Variants in TENM1 observed in about 807,000 individuals in gnomAD.
The protein encoded by TENM1 is teneurin transmembrane protein 1, also known as teneurin-1.
Under a neutral mutation model 174.8 loss-of-function variants are expected in TENM1, and 35 were observed. That is an observed-to-expected ratio of 0.20 (90% CI 0.15 to 0.27). The LOEUF (loss-of-function observed/expected upper bound fraction) is 0.27. Among genes scored for constraint, TENM1 ranks in the 10% least tolerant of loss-of-function variants. The pLI, the probability that TENM1 is intolerant of heterozygous loss-of-function variation, is 1.00. For synonymous variants in TENM1, 781 were observed against 798.7 expected (o/e 0.98, Z 0.37); for missense variants, 1,633 against 2,130.1 (o/e 0.77, Z 4.59).
At chrX:125,035,089 C>T in the TENM1 span, among the ~76,000 whole-genome samples, 1 of 111,617 alleles carries the variant, frequency 9.0e-6, no homozygotes, top group African/African-American at 3.2e-5. Context: ...TTCTATTTTC[C>T]AGATAAATAG....
chrX:124,503,812 G>A, intron 18 of TENM1, 109 bp from the exon 22 acceptor site: 1 of 811,979 alleles, frequency 1.2e-6, no homozygotes, highest in South Asian at 2.7e-5. Flanking sequence ...ATTCTGATTA[G>A]AGTTGAAATT....
At chrX:124,982,270 G>GAAAAAAAAAAAAAAAAAAAAA in the TENM1 span, among the ~76,000 whole-genome samples, 1 of 10,555 alleles carries the variant, frequency 9.5e-5, no homozygotes, top group African/African-American at 8.1e-4. Flanking sequence ...AAGAAAATGT[G>GAAAAAAAAAAAAAAAAAAAAA]AAAAAAAAAA....
intron 23 of TENM1, among the ~76,000 whole-genome samples, chrX:124,439,249 A>ATT (rs2060878976): frequency 9.0e-6 from 1 of 111,636 alleles, no homozygotes; most frequent in African/African-American, 3.3e-5. Context: ...TCTAATATTT[A>ATT]TTTTTTTGTG....
chrX:124,593,163 C>A (rs1192649421), intron 11 of TENM1, among the ~76,000 whole-genome samples: 1 of 111,597 alleles, frequency 9.0e-6, no homozygotes, highest in Non-Finnish European at 1.9e-5. Context: ...AAGTGATAAT[C>A]CAGTGGGCAG....
chrX:125,167,691 G>T, the TENM1 span, among the ~76,000 whole-genome samples: 1 of 111,037 alleles, frequency 9.0e-6, no homozygotes, highest in South Asian at 3.8e-4. Context: ...AAGTGGGCAC[G>T]GTAAATTTTG....
At chrX:124,380,813 C>T (rs2060148571) in exon 32 of TENM1, 3 of 1,211,589 alleles carry the variant, frequency 2.5e-6, no homozygotes, top group African/African-American at 1.7e-5. Context: ...TGTCCCATAC[C>T]GGATGTTGAA....
chrX:124,896,024 G>T (rs755891420), exon 2 of TENM1: 1 of 1,211,546 alleles, frequency 8.3e-7, no homozygotes, highest in Non-Finnish European at 1.1e-6. Flanking sequence ...TGTCAGTCAA[G>T]GATAATGCAG....
intron 1 of TENM1, among the ~76,000 whole-genome samples, chrX:124,935,066 C>T (rs1337036852): frequency 1.8e-5 from 2 of 108,442 alleles, no homozygotes; most frequent in African/African-American, 6.7e-5. Context: ...TTTGGGGCAC[C>T]ATTTAGACAG....
chrX:125,135,042 T>A, the TENM1 span, among the ~76,000 whole-genome samples: 1 of 111,578 alleles, frequency 9.0e-6, no homozygotes, highest in Non-Finnish European at 1.9e-5. Flanking sequence ...ACAAGAATTT[T>A]ATGAACATCC....
the TENM1 span, among the ~76,000 whole-genome samples, chrX:125,107,097 G>A: frequency 1.8e-5 from 2 of 111,801 alleles, no homozygotes; most frequent in East Asian, 2.8e-4. Flanking sequence ...GTTAATCTGA[G>A]GTTAAAGATT....
At chrX:124,897,100 T>C (rs940077070) in intron 1 of TENM1, among the ~76,000 whole-genome samples, 14 of 111,945 alleles carry the variant, frequency 1.3e-4, no homozygotes, top group East Asian at 1.1e-3. Context: ...AACACCCATG[T>C]AGGCATGGTT....
At chrX:125,114,053 C>A in the TENM1 span, among the ~76,000 whole-genome samples, 1 of 111,592 alleles carries the variant, frequency 9.0e-6, no homozygotes, top group South Asian at 3.8e-4. Flanking sequence ...GAAATCATAA[C>A]AAACAGTCTC....
chrX:124,783,384 A>T (rs982515422), intron 3 of TENM1, among the ~76,000 whole-genome samples: 1 of 110,403 alleles, frequency 9.1e-6, no homozygotes, highest in African/African-American at 3.4e-5. Context: ...TTATTTCATG[A>T]TCTAGTTATT....
At chrX:125,065,958 T>C in the TENM1 span, among the ~76,000 whole-genome samples, 1 of 112,025 alleles carries the variant, frequency 8.9e-6, no homozygotes, top group Non-Finnish European at 1.9e-5. Flanking sequence ...TGTTCAATTG[T>C]AGGCTCCTCC....
Position 124,615,324 on chromosome X carries a change from C to T in TENM1, c.2077+26467G>A, listed in dbSNP as rs192353717. On this transcript the variant is annotated intron_variant, in intron 11 of 31. Coordinates refer to ENST00000422452, the Ensembl canonical transcript of TENM1. ...CTCAAGCATGGTCCCAGTAATTAAA[C>T]AGTCTGTGGAGGGCGAACTGTACTA... Among the ~76,000 whole-genome samples the T allele has an allele frequency of 1.6e-3, 184 of 111,742 alleles. 1 individual carries two copies. Among genetic ancestry groups the T allele is most frequent in the African/African-American group, 5.8e-3 (177 of 30,769 alleles).
intron 23 of TENM1, among the ~76,000 whole-genome samples, chrX:124,437,183 C>T (rs780612992): frequency 2.7e-3 from 268 of 99,652 alleles, no homozygotes; most frequent in Middle Eastern, 0.011. Context: ...AACTCCTGAC[C>T]TCAAATGATC....
At chrX:125,082,370 G>A in the TENM1 span, among the ~76,000 whole-genome samples, 3 of 110,269 alleles carry the variant, frequency 2.7e-5, no homozygotes, top group Non-Finnish European at 5.7e-5. Flanking sequence ...TGATTCCTCT[G>A]CTCAAAAGCC....
intron 1 of TENM1, among the ~76,000 whole-genome samples, chrX:124,914,389 C>G (rs2057888143): frequency 9.0e-6 from 1 of 111,348 alleles, no homozygotes; most frequent in Non-Finnish European, 1.9e-5. Flanking sequence ...GGGTCAGTGA[C>G]TCTTGTGGAG....
intron 3 of TENM1, among the ~76,000 whole-genome samples, chrX:124,742,302 T>C (rs1360515251): frequency 9.0e-6 from 1 of 110,937 alleles, no homozygotes; most frequent in African/African-American, 3.3e-5. Context: ...TTAGTATGTG[T>C]TTCATTATCT....
Sources: allele counts gnomAD v4.1 joint callset (sites outside exome capture counted in the v4.1 genomes callset), GRCh38; gene constraint gnomAD v4.1.1; transcripts MANE v1.5; gene names NCBI Gene and HGNC (gene_info 2026-07-23, HGNC 2026-07-21).